Variants in SLC25A21 observed in about 807,000 individuals in gnomAD.
SLC25A21 encodes mitochondrial 2-oxodicarboxylate carrier.
A neutral mutation model predicts 43.8 loss-of-function variants in SLC25A21; 47 were observed. The ratio of observed to expected loss-of-function variants is 1.07; its 90% CI spans 0.85 to 1.37. The LOEUF (loss-of-function observed/expected upper bound fraction) is 1.37. SLC25A21 is among the 40% of genes most tolerant of loss of function. SLC25A21 has a pLI of 0.00. For synonymous variants in SLC25A21, 131 were observed against 121.3 expected (o/e 1.08, Z -0.52); for missense variants, 352 against 350.2 (o/e 1.00, Z -0.04).
intron 2 of SLC25A21, among the ~76,000 whole-genome samples, chr14:36,865,579 T>C (rs1035657658): frequency 4.0e-5 from 6 of 151,864 alleles, no homozygotes; most frequent in Non-Finnish European, 8.8e-5. Context: ...CACAGGTTAA[T>C]GAAAGGTTCA....
At chr14:36,783,004 A>T (rs1224099779) in intron 3 of SLC25A21, among the ~76,000 whole-genome samples, 5 of 150,966 alleles carry the variant, frequency 3.3e-5, no homozygotes, top group African/African-American at 1.2e-4. Flanking sequence ...TAAAAATAAA[A>T]ATAAAAAATA....
chr14:36,796,172 G>A (rs1469906199), intron 3 of SLC25A21, among the ~76,000 whole-genome samples: 1 of 152,094 alleles, frequency 6.6e-6, no homozygotes, highest in African/African-American at 2.4e-5. Context: ...AAATGCCATA[G>A]ATAACATAAT....
intron 3 of SLC25A21, 88 bp downstream of exon 3, chr14:36,813,830 T>G: frequency 3.1e-6 from 3 of 960,932 alleles, no homozygotes; most frequent in Non-Finnish European, 4.8e-6. Flanking sequence ...ATTTTGCCCC[T>G]AGTAAGACTA....
chr14:36,736,215 G>A (rs1363177833), intron 3 of SLC25A21, among the ~76,000 whole-genome samples: 2 of 152,048 alleles, frequency 1.3e-5, no homozygotes, highest in African/African-American at 2.4e-5. Context: ...GATTACAGGC[G>A]TGAGCCACCG....
At chr14:37,019,008 A>C (rs563986702) in intron 1 of SLC25A21, among the ~76,000 whole-genome samples, 1 of 152,098 alleles carries the variant, frequency 6.6e-6, no homozygotes, top group East Asian at 1.9e-4. Context: ...CATCCTCTGC[A>C]ATTGCATCCT....
intron 1 of SLC25A21, among the ~76,000 whole-genome samples, chr14:36,976,276 A>G (rs1050544011): frequency 6.6e-6 from 1 of 152,136 alleles, no homozygotes; most frequent in Non-Finnish European, 1.5e-5. Flanking sequence ...CTCCTCATGC[A>G]TACACGTTAT....
intron 8 of SLC25A21, among the ~76,000 whole-genome samples, 191 bp downstream of exon 8, chr14:36,684,553 T>A (rs981244036): frequency 2.0e-5 from 3 of 152,206 alleles, no homozygotes; most frequent in Non-Finnish European, 4.4e-5. Flanking sequence ...TGTCACTTGA[T>A]GGTGTAAGCA....
chr14:37,126,797 G>T (rs1048974219), intron 1 of SLC25A21, among the ~76,000 whole-genome samples: 1 of 152,084 alleles, frequency 6.6e-6, no homozygotes, highest in African/African-American at 2.4e-5. Flanking sequence ...GCCCTCAAGG[G>T]GCTTACAAGG....
At chr14:37,044,285 T>C (rs968138260) in intron 1 of SLC25A21, among the ~76,000 whole-genome samples, 2 of 152,186 alleles carry the variant, frequency 1.3e-5, no homozygotes, top group Non-Finnish European at 2.9e-5. Flanking sequence ...CTTTCCTTTT[T>C]TAATAGCCTT....
chr14:36,756,709 T>C (rs1178593871), intron 3 of SLC25A21, among the ~76,000 whole-genome samples: 2 of 152,064 alleles, frequency 1.3e-5, no homozygotes, highest in African/African-American at 4.8e-5. Flanking sequence ...GACAAATGAG[T>C]CAAATAAAAC....
intron 1 of SLC25A21, among the ~76,000 whole-genome samples, chr14:37,021,160 C>T (rs927398813): frequency 6.6e-6 from 1 of 151,826 alleles, no homozygotes; most frequent in Admixed American, 6.6e-5. Flanking sequence ...GGCAAAGGAC[C>T]GATTGTGATG....
chr14:36,815,605 C>A (rs949049607), intron 2 of SLC25A21, among the ~76,000 whole-genome samples: 9 of 152,072 alleles, frequency 5.9e-5, no homozygotes, highest in Non-Finnish European at 1.3e-4. Flanking sequence ...AAGGTAAGTT[C>A]TTTTTTCTTC....
chr14:37,162,122 T>C (rs7153180), intron 1 of SLC25A21, among the ~76,000 whole-genome samples: 60,934 of 151,664 alleles, frequency 0.4, 13,272 homozygotes, highest in African/African-American at 0.58. Context: ...AGGAGAGAGG[T>C]GTGGGTCAGA....
In SLC25A21 at chr14:37,169,105, T is replaced by C. The variant is rs551980636; in HGVS notation, c.70+3176A>G. Among the ~76,000 whole-genome samples the C allele has an allele frequency of 6.6e-5, 10 of 152,282 alleles. 1 individual carries two copies. Among genetic ancestry groups the C allele is most frequent in the African/African-American group, 2.4e-4 (10 of 41,574 alleles). On this transcript the variant is annotated intron_variant, in intron 1 of 9. Transcript: ENST00000331299. The stretch of plus-strand genomic sequence containing the variant: ...GTGGCTGTGGTTTAGAGGTAGATCC[T>C]TAACAGCAGAGTGACCCACTCATCC...
At chr14:36,974,384 A>AT (rs1959821328) in intron 1 of SLC25A21, among the ~76,000 whole-genome samples, 1 of 152,196 alleles carries the variant, frequency 6.6e-6, no homozygotes, top group Non-Finnish European at 1.5e-5. Context: ...GTGTGTACAC[A>AT]TACCTTCCTT....
intron 3 of SLC25A21, among the ~76,000 whole-genome samples, chr14:36,750,899 T>G (rs1885681850): frequency 6.6e-6 from 1 of 152,128 alleles, no homozygotes. Flanking sequence ...GACTGCTGAT[T>G]GTGGGAGTGC....
intron 1 of SLC25A21, chr14:37,097,257 CA>C (rs1348411773): frequency 6.6e-6 from 1 of 151,944 alleles, no homozygotes; most frequent in African/African-American, 2.4e-5. Context: ...TGCACCACCC[CA>C]CCCAGCTAAT....
Position 37,127,644 on chromosome 14 carries a change from T to C in SLC25A21, c.70+44637A>G, listed in dbSNP as rs561910216. 1.4e-4 allele frequency among the ~76,000 whole-genome samples: 21 copies of C among 152,324 alleles called. No individual in the cohort carries two copies. The South Asian group carries it at 3.5e-3, about 26-fold the overall frequency. ...ATAAGCATAAAATCCAATCCCTTCA[T>C]TGATCGAAAGCAAAGTCAGGTTTCA... On this transcript the variant is annotated intron_variant, in intron 1 of 9. Transcript: ENST00000331299.
intron 1 of SLC25A21, among the ~76,000 whole-genome samples, chr14:37,075,425 A>G (rs1962259867): frequency 6.6e-6 from 1 of 152,120 alleles, no homozygotes; most frequent in South Asian, 2.1e-4. Context: ...TTTCACTTAA[A>G]TTAATTTTAA....
Sources: allele counts gnomAD v4.1 joint callset (sites outside exome capture counted in the v4.1 genomes callset), GRCh38; gene constraint gnomAD v4.1.1; transcripts MANE v1.5; gene names NCBI Gene and HGNC (gene_info 2026-07-23, HGNC 2026-07-21).